MYL5: variants seen among roughly 807,000 people sequenced by gnomAD.
The protein encoded by MYL5 is myosin regulatory light chain 5.
In MYL5, 28 loss-of-function variants were observed where a neutral mutation model predicts 20.8. The ratio of observed to expected loss-of-function variants is 1.35; its 90% CI spans 1.00 to 1.84. The LOEUF (loss-of-function observed/expected upper bound fraction) is 1.84, where lower values mean the gene tolerates loss of function less well. Among genes scored for constraint, MYL5 ranks in the 40% most tolerant of loss-of-function variants. The pLI, the probability that MYL5 is intolerant of heterozygous loss-of-function variation, is 0.00. For synonymous variants in MYL5, 118 were observed against 87.4 expected, an observed-to-expected ratio of 1.35 and a Z score of -1.95; for missense variants, 274 against 227.3, an observed-to-expected ratio of 1.21 and a Z score of -1.32.
Position 678,976 on chromosome 4 carries a change from C to T in MYL5, c.130C>T (p.Gln44Ter). ...TCCCCAGGCATTCACACTCATGGAT[C>T]AGAACCGAGATGGCTTCATTGACAA... Residue 44 changes from glutamine (Q) to a stop codon, truncating the protein, a stop_gained, in exon 3 of 7, where the codon CAG becomes TAG. Coordinates refer to ENST00000400159, the Ensembl canonical transcript of MYL5. LOFTEE classifies it high-confidence loss of function. 6.2e-7 allele frequency: 1 copy of T among 1,613,830 alleles called. No individual in the cohort carries two copies. The highest frequency in any genetic ancestry group is 8.5e-7 in the Non-Finnish European group (1 of 1,179,976).
intron 5 of MYL5, 116 bp from the exon 8 acceptor site, chr4:680,976 A>G: frequency 8.6e-7 from 1 of 1,162,700 alleles, no homozygotes; most frequent in Non-Finnish European, 1.2e-6. Flanking sequence ...CTCCAGCGGG[A>G]AGGGCGGGAG....
At chr4:679,148 C>T in intron 3 of MYL5, 115 bp downstream of exon 5, 1 of 733,438 alleles carries the variant, frequency 1.4e-6, no homozygotes, top group South Asian at 2.0e-5. Flanking sequence ...GCCTCAGAGG[C>T]CCACCAACGG....
intron 6 of MYL5, 179 bp from the exon 9 acceptor site, chr4:681,714 A>C (rs1223990319): frequency 1.3e-5 from 1 of 78,758 alleles, no homozygotes; most frequent in South Asian, 7.5e-4. Flanking sequence ...CGCCCCCTCC[A>C]GCGCCGCCCC....
chr4:675,722 G>C (rs1048656480), upstream of MYL5: 1 of 152,386 alleles, frequency 6.6e-6, no homozygotes, highest in Non-Finnish European at 1.5e-5. Context: ...GTTAGGAACC[G>C]GGCAGCACAG....
intron 6 of MYL5, 47 bp downstream of exon 8, chr4:681,187 CTCCCGGGGTCA>C: frequency 1.9e-6 from 3 of 1,575,064 alleles, no homozygotes; most frequent in Non-Finnish European, 2.6e-6. Context: ...GAGGGCGGGG[CTCCCGGGGTCA>C]GCTGGGTGGA....
chr4:675,137 C>T (rs1235089669), upstream of MYL5: 1 of 152,502 alleles, frequency 6.6e-6, no homozygotes, highest in East Asian at 1.9e-4. Flanking sequence ...TTGCTGGCCT[C>T]TGTCCACCTC....
upstream of MYL5, among the ~76,000 whole-genome samples, chr4:677,167 G>A (rs1738926807): frequency 6.6e-6 from 1 of 152,168 alleles, no homozygotes; most frequent in Admixed American, 6.5e-5. Context: ...AGGCCTGGGG[G>A]GCTCCAAAAG....
chr4:674,591 G>GC (rs1216128381), upstream of MYL5: 1 of 390,656 alleles, frequency 2.6e-6, no homozygotes, highest in Non-Finnish European at 4.7e-6. Flanking sequence ...TGCTGCCGAG[G>GC]CCCCGCCGTC....
At chr4:681,868 G>A (rs1353565450) in intron 6 of MYL5, 25 bp from the exon 9 acceptor site, 6 of 1,309,816 alleles carry the variant, frequency 4.6e-6, no homozygotes, top group Non-Finnish European at 5.9e-6. Flanking sequence ...GAGCCCGCAA[G>A]GAGCCCTTTC....
chr4:679,311 T>G, intron 3 of MYL5: 1 of 580,978 alleles, frequency 1.7e-6, no homozygotes, highest in South Asian at 1.7e-5. Flanking sequence ...GGGCTGACTC[T>G]CTGGTAGGAC....
chr4:680,865 G>A (rs951276221), intron 5 of MYL5: 5 of 641,802 alleles, frequency 7.8e-6, no homozygotes, highest in South Asian at 5.8e-5. Context: ...AGTACCAGGC[G>A]CTGGCCTGTA....
rs775498033 is a variant in MYL5 at position 680,620 on chromosome 4, TC to T, written c.371+35del. ...CCCGGGCGGCCAGGGCGGCCCGGCT[TC>T]CGGGGAACCCCAGTGATCTCATCCT... On this transcript the variant is annotated intron_variant, in intron 5 of 6. Transcript: ENST00000400159. 5 of 1,602,580 alleles carry T rather than the reference TC, an allele frequency of 3.1e-6. No homozygotes were observed. In the Admixed American group the frequency reaches 6.8e-5, roughly 22 times the overall value.
intron 6 of MYL5, among the ~76,000 whole-genome samples, chr4:681,414 C>T (rs1739501592): frequency 6.6e-6 from 1 of 151,996 alleles, no homozygotes; most frequent in Admixed American, 6.5e-5. Context: ...GGGCGGGGCT[C>T]ACAGCTGTGC....
upstream of MYL5, chr4:676,948 C>A: frequency 4.1e-6 from 4 of 985,144 alleles, no homozygotes; most frequent in Non-Finnish European, 3.6e-6. Context: ...CAGGGGACGC[C>A]AACTGTGACC....
At chr4:675,976 C>G (rs1738804401), upstream of MYL5, 1 of 152,276 alleles carries the variant, frequency 6.6e-6, no homozygotes, top group East Asian at 1.9e-4. Flanking sequence ...TAGGTACTTG[C>G]TGTAGGGCCA....
At chr4:681,277 C>G in intron 6 of MYL5, 137 bp downstream of exon 8, 5 of 984,752 alleles carry the variant, frequency 5.1e-6, no homozygotes, top group Non-Finnish European at 7.5e-6. Flanking sequence ...CCGGGGGGCT[C>G]CCGAAGTGCC....
exon 3 of MYL5, chr4:679,006 G>A (rs761136485): frequency 2.5e-6 from 4 of 1,613,802 alleles, no homozygotes; most frequent in Admixed American, 1.7e-5. Context: ...TGACAAGGAG[G>A]ACCTGAAGGA....
rs1019226865 is a variant in MYL5 at position 681,272 on chromosome 4, G to A, written c.420+132G>A. ...ACCCAGGACAGAACAGGCCCCCGGG[G>A]GGCTCCCGAAGTGCCCGTCTGAGGG... On this transcript the variant is annotated intron_variant, in intron 6 of 6. Transcript: ENST00000400159. The A allele has an allele frequency of 6.1e-4, 681 of 1,110,204 alleles. 5 individuals are homozygous for A. Among genetic ancestry groups the A allele is most frequent in the Non-Finnish European group, 1.3e-4 (105 of 779,414 alleles). 68.8% of individuals were successfully genotyped at this position (1,110,204 alleles called of 1,614,324 possible).
chr4:681,996 A>G (rs2109382332), exon 7 of MYL5: 1 of 1,416,906 alleles, frequency 7.1e-7, no homozygotes, highest in South Asian at 1.5e-5. Context: ...GAGGAGTGAG[A>G]CCCAGCCGGG....
Sources: allele counts gnomAD v4.1 joint callset (sites outside exome capture counted in the v4.1 genomes callset), GRCh38; gene constraint gnomAD v4.1.1; transcripts MANE v1.5; gene names NCBI Gene and HGNC (gene_info 2026-07-23, HGNC 2026-07-21).